The following HEXB variants were observed in gnomAD, a reference collection of about 807,000 sequenced individuals.
The protein encoded by HEXB is hexosaminidase subunit beta.
A neutral mutation model predicts 71.2 loss-of-function variants in HEXB; 51 were observed. That is an observed-to-expected ratio of 0.72 (90% CI 0.57 to 0.90). The LOEUF is 0.90. HEXB is among the 40% of genes least tolerant of loss of function. The probability of loss-of-function intolerance (pLI) is 0.00; values close to 1 mark genes in which losing one functional copy is unlikely to be tolerated. For synonymous variants in HEXB, 266 were observed against 249.3 expected, an observed-to-expected ratio of 1.07 and a Z score of -0.63; for missense variants, 617 against 677.0, an observed-to-expected ratio of 0.91 and a Z score of 0.98.
At chr5:74,650,511 T>C (rs1270990673) in intron 1 of HEXB, among the ~76,000 whole-genome samples, 4 of 152,118 alleles carry the variant, frequency 2.6e-5, no homozygotes, top group African/African-American at 7.2e-5. Flanking sequence ...CCTCCGCAGA[T>C]TGGGCTGGAG....
chr5:74,663,336 G>A (rs781328274), intron 1 of HEXB, among the ~76,000 whole-genome samples: 9 of 151,712 alleles, frequency 5.9e-5, no homozygotes, highest in East Asian at 1.9e-4. Flanking sequence ...GAGTACAGGC[G>A]CCCGCCACCA....
chr5:74,684,294 C>T (rs2112120119), upstream of HEXB, among the ~76,000 whole-genome samples: 1 of 152,334 alleles, frequency 6.6e-6, no homozygotes, highest in South Asian at 2.1e-4. Context: ...TTCACTGGCT[C>T]TTCCTTAGGG....
At chr5:74,677,775 G>A (rs1224095803) in intron 1 of HEXB, among the ~76,000 whole-genome samples, 1 of 151,966 alleles carries the variant, frequency 6.6e-6, no homozygotes, top group Non-Finnish European at 1.5e-5. Flanking sequence ...TTATATAGCA[G>A]TGAATTCTGA....
At chr5:74,678,156 G>C (rs1465631116) in intron 1 of HEXB, among the ~76,000 whole-genome samples, 15 of 152,032 alleles carry the variant, frequency 9.9e-5, no homozygotes, top group Non-Finnish European at 2.2e-4. Flanking sequence ...AAATTAGCTG[G>C]GCATGGTGGC....
At chr5:74,674,329 C>T (rs1217021425) in intron 1 of HEXB, among the ~76,000 whole-genome samples, 4 of 151,948 alleles carry the variant, frequency 2.6e-5, no homozygotes, top group East Asian at 2.0e-4. Flanking sequence ...TTCAGCCAGG[C>T]GTGGTGGCTC....
intron 6 of HEXB, among the ~76,000 whole-genome samples, chr5:74,713,079 C>T (rs1402584487): frequency 6.6e-6 from 1 of 152,204 alleles, no homozygotes; most frequent in Non-Finnish European, 1.5e-5. Flanking sequence ...TCGGAAGTTT[C>T]ACTTTGGAGA....
chr5:74,667,806 C>T (rs1204832221), intron 1 of HEXB, among the ~76,000 whole-genome samples: 1 of 152,200 alleles, frequency 6.6e-6, no homozygotes, highest in Non-Finnish European at 1.5e-5. Flanking sequence ...ATCTGTACTT[C>T]TGGAGTGCAT....
chr5:74,690,768 A>T (rs924584124), intron 2 of HEXB, among the ~76,000 whole-genome samples: 12 of 151,312 alleles, frequency 7.9e-5, no homozygotes, highest in Non-Finnish European at 2.9e-5. Flanking sequence ...AGTTAAGTAC[A>T]TGTCTTCATC....
chr5:74,719,374 A>G (rs1749758529), intron 11 of HEXB, among the ~76,000 whole-genome samples: 1 of 152,150 alleles, frequency 6.6e-6, no homozygotes, highest in South Asian at 2.1e-4. Context: ...AGTTCAGTGG[A>G]TTTCAGGCTG....
chr5:74,681,486 A>G (rs551489123), upstream of HEXB, among the ~76,000 whole-genome samples: 1 of 152,222 alleles, frequency 6.6e-6, no homozygotes, highest in African/African-American at 2.4e-5. Flanking sequence ...ACTATTCAGG[A>G]GGCTGAGACA....
chr5:74,695,201 CTTTTTTTT>C (rs35812692), intron 3 of HEXB, among the ~76,000 whole-genome samples: 1 of 114,462 alleles, frequency 8.7e-6, no homozygotes, highest in East Asian at 2.7e-4. Flanking sequence ...AGAAGAGACG[CTTTTTTTT>C]TTTTTTTTTT....
chr5:74,658,474 C>T (rs1489632938), intron 1 of HEXB, among the ~76,000 whole-genome samples: 1 of 152,068 alleles, frequency 6.6e-6, no homozygotes, highest in African/African-American at 2.4e-5. Context: ...CCAGAGAGGC[C>T]ATTTATGTAA....
intron 1 of HEXB, among the ~76,000 whole-genome samples, chr5:74,663,851 C>T (rs1019482069): frequency 2.0e-5 from 3 of 152,126 alleles, no homozygotes; most frequent in African/African-American, 4.8e-5. Flanking sequence ...TGGGGCCAGG[C>T]GTGGGGGCTC....
intron 1 of HEXB, among the ~76,000 whole-genome samples, chr5:74,653,453 C>T (rs1748160874): frequency 6.6e-6 from 1 of 152,190 alleles, no homozygotes; most frequent in African/African-American, 2.4e-5. Context: ...CAGAAGCCAG[C>T]AAAGCATATG....
intron 5 of HEXB, among the ~76,000 whole-genome samples, chr5:74,697,499 G>A (rs1280997512): frequency 2.6e-5 from 4 of 152,156 alleles, no homozygotes; most frequent in Admixed American, 1.3e-4. Flanking sequence ...GCTGAGGCAG[G>A]TGGATCACCT....
At chr5:74,651,917 G>A (rs1000735313) in intron 1 of HEXB, among the ~76,000 whole-genome samples, 3 of 152,148 alleles carry the variant, frequency 2.0e-5, no homozygotes, top group Admixed American at 1.3e-4. Context: ...AATAAGTAAT[G>A]GGTTATTAAT....
chr5:74,686,211 A>C (rs748158342), intron 1 of HEXB, among the ~76,000 whole-genome samples: 119 of 151,844 alleles, frequency 7.8e-4, no homozygotes, highest in Middle Eastern at 3.2e-3. Context: ...TCTTTTACAG[A>C]CCCCTAGATA....
At chr5:74,686,500 C>A (rs820880) in intron 1 of HEXB, among the ~76,000 whole-genome samples, 102,225 of 152,048 alleles carry the variant, frequency 0.67, 34,991 homozygotes, top group Non-Finnish European at 0.74. Context: ...CTTGCAGGAC[C>A]CTGAACAGGT....
chr5:74,702,067 CTTTTTTTTTTTTT>C (rs60295789), intron 5 of HEXB, among the ~76,000 whole-genome samples: 7 of 60,556 alleles, frequency 1.2e-4, no homozygotes, highest in South Asian at 9.1e-4. Flanking sequence ...CTTTCCTTGT[CTTTTTTTTTTTTT>C]TTTTTTTTTT....
Sources: allele counts gnomAD v4.1 joint callset (sites outside exome capture counted in the v4.1 genomes callset), GRCh38; gene constraint gnomAD v4.1.1; transcripts MANE v1.5; gene names NCBI Gene and HGNC (gene_info 2026-07-23, HGNC 2026-07-21).